PCSK2: variants seen among roughly 807,000 people sequenced by gnomAD.
PCSK2 encodes neuroendocrine convertase 2.
A neutral mutation model predicts 69.7 loss-of-function variants in PCSK2; 14 were observed. The ratio of observed to expected loss-of-function variants is 0.20; its 90% CI spans 0.13 to 0.31. The LOEUF is 0.31. PCSK2 is among the 10% of genes least tolerant of loss of function. PCSK2 has a pLI of 1.00. For synonymous variants in PCSK2, 307 were observed against 320.7 expected, an observed-to-expected ratio of 0.96 and a Z score of 0.46; for missense variants, 544 against 842.5, an observed-to-expected ratio of 0.65 and a Z score of 4.39.
chr20:17,473,973 C>A (rs369632563), intron 11 of PCSK2, among the ~76,000 whole-genome samples: 26 of 152,188 alleles, frequency 1.7e-4, no homozygotes, highest in East Asian at 7.7e-4. Context: ...CTAAAAAAGC[C>A]AGACTCCTCA....
chr20:17,276,066 C>T (rs1309524051), intron 2 of PCSK2, among the ~76,000 whole-genome samples: 2 of 152,112 alleles, frequency 1.3e-5, no homozygotes, highest in Non-Finnish European at 2.9e-5. Context: ...TGTTCTCTAG[C>T]ATTCGATTAC....
intron 2 of PCSK2, chr20:17,263,202 G>A (rs1987460049): frequency 1.2e-6 from 1 of 864,556 alleles, no homozygotes; most frequent in South Asian, 5.3e-5. Flanking sequence ...TTTCAATGAT[G>A]TTTGCCTCTC....
At chr20:17,456,293 G>T (rs148674298) in intron 9 of PCSK2, 55 bp from the exon 10 acceptor site, 2 of 895,100 alleles carry the variant, frequency 2.2e-6, no homozygotes, top group Non-Finnish European at 3.8e-6. Flanking sequence ...CACATTGTGC[G>T]GGGGTTCAAA....
At chr20:17,275,710 A>G (rs1988043323) in intron 2 of PCSK2, among the ~76,000 whole-genome samples, 1 of 152,166 alleles carries the variant, frequency 6.6e-6, no homozygotes, top group African/African-American at 2.4e-5. Context: ...AAGTATAAGG[A>G]AACGTGCAGT....
chr20:17,465,191 G>A (rs2033079202), intron 10 of PCSK2, 135 bp from the exon 11 acceptor site: 1 of 719,838 alleles, frequency 1.4e-6, no homozygotes, highest in African/African-American at 1.7e-5. Flanking sequence ...CCTTGAATTT[G>A]AGAGTTCACA....
chr20:17,356,961 T>A (rs118105629), intron 2 of PCSK2, among the ~76,000 whole-genome samples: 5,378 of 152,158 alleles, frequency 0.035, 131 homozygotes, highest in Middle Eastern at 0.099. Flanking sequence ...ACACAGAACC[T>A]GATGGATTGG....
intron 8 of PCSK2, among the ~76,000 whole-genome samples, chr20:17,444,221 T>C (rs984674674): frequency 2.0e-5 from 3 of 152,182 alleles, no homozygotes; most frequent in African/African-American, 7.2e-5. Context: ...TTTATCATCC[T>C]GTACATATGT....
At chr20:17,370,003 T>C (rs1600527399) in intron 5 of PCSK2, among the ~76,000 whole-genome samples, 1 of 152,340 alleles carries the variant, frequency 6.6e-6, no homozygotes, top group East Asian at 1.9e-4. Flanking sequence ...AAAGCCCTGC[T>C]GGGCTAGAAC....
intron 6 of PCSK2, among the ~76,000 whole-genome samples, chr20:17,419,710 T>G (rs1457422207): frequency 6.6e-6 from 1 of 152,242 alleles, no homozygotes; most frequent in East Asian, 1.9e-4. Flanking sequence ...AGCCCACGTT[T>G]TGTCAATAAT....
At chr20:17,373,465 A>G (rs1206393941) in intron 5 of PCSK2, among the ~76,000 whole-genome samples, 1 of 152,212 alleles carries the variant, frequency 6.6e-6, no homozygotes. Flanking sequence ...GTGGGTACAG[A>G]CAGCTGCAGC....
rs146685021 is a variant in PCSK2, at chr20:17,461,312, A to G, written c.1203-4014A>G. Among the ~76,000 whole-genome samples, 35 of 152,310 alleles carry G rather than the reference A, an allele frequency of 2.3e-4. No homozygotes were observed. The East Asian group carries it at 5.6e-3, about 24-fold the overall frequency. On this transcript the variant is annotated intron_variant, in intron 10 of 11. Coordinates refer to ENST00000262545, the MANE Select transcript of PCSK2 (RefSeq NM_002594.5). ...AATGCATTATTTTTCTCAGACTGGA[A>G]ATAATCCAACCTTTGAAATTATTTT...
intron 5 of PCSK2, among the ~76,000 whole-genome samples, chr20:17,379,304 A>T (rs1358456326): frequency 1.3e-5 from 2 of 152,270 alleles, no homozygotes; most frequent in African/African-American, 4.8e-5. Flanking sequence ...TGTGTCCACT[A>T]GAGCCACACC....
At position 17,453,496 on chromosome 20, in the gene PCSK2, T is replaced by C. The variant is rs891251796; in HGVS notation, c.886-246T>C. Among the ~76,000 whole-genome samples, 1 of 152,254 alleles carries C rather than the reference T, an allele frequency of 6.6e-6. No individual in the cohort carries two copies. The highest frequency in any genetic ancestry group is 1.5e-5 in the Non-Finnish European group (1 of 68,038). On this transcript the variant is annotated intron_variant, in intron 8 of 11. Coordinates refer to ENST00000262545, the MANE Select transcript of PCSK2 (RefSeq NM_002594.5). This position sits in a 1 kb window ranked among gnomAD's most constrained non-coding sequence, Gnocchi z 4.0. ...AATTTTAAGACAGTTCTTCCAATTT[T>C]CTTACCTCATTATCCCCAGCTTAAA...
chr20:17,310,353 A>C (rs1043586925), intron 2 of PCSK2, among the ~76,000 whole-genome samples: 8 of 152,162 alleles, frequency 5.3e-5, no homozygotes, highest in Non-Finnish European at 8.8e-5. Flanking sequence ...AGGTTAAAAA[A>C]CATTGATGAT....
At chr20:17,315,388 G>A (rs1403163854) in intron 2 of PCSK2, among the ~76,000 whole-genome samples, 2 of 152,188 alleles carry the variant, frequency 1.3e-5, no homozygotes, top group African/African-American at 4.8e-5. Flanking sequence ...GGTGACCCGT[G>A]AGCTTGGTTG....
intron 2 of PCSK2, among the ~76,000 whole-genome samples, chr20:17,295,781 C>T (rs1209100393): frequency 6.6e-6 from 1 of 152,052 alleles, no homozygotes; most frequent in Non-Finnish European, 1.5e-5. Flanking sequence ...TTCTGGAACT[C>T]TTGGCCTCAA....
At chr20:17,288,709 G>A (rs900510473) in intron 2 of PCSK2, among the ~76,000 whole-genome samples, 1 of 152,192 alleles carries the variant, frequency 6.6e-6, no homozygotes, top group African/African-American at 2.4e-5. Context: ...ACAAGAAGAC[G>A]TAGGAGAGGA....
intron 2 of PCSK2, among the ~76,000 whole-genome samples, chr20:17,299,400 CA>C (rs1989004390): frequency 6.6e-6 from 1 of 151,992 alleles, no homozygotes; most frequent in Admixed American, 6.6e-5. Flanking sequence ...AATTTTATTT[CA>C]ATTATTTTGG....
rs890673094 is a variant in PCSK2 at position 17,436,863 on chromosome 20, A to T, written c.865A>T (p.Met289Leu). Residue 289 changes from methionine to leucine, a missense_variant, in exon 8 of 12, where the codon ATG (methionine) becomes TTG (leucine). By Grantham distance (15) the Met-to-Leu change is conservative. Around this residue, in one of 3 missense-constraint regions of PCSK2, gnomAD observed 187 missense variants for 399.8 expected, o/e 0.47. Transcript: ENST00000262545. ...DGPRELTLQA[M>L]ADGVNKGRGG... Reference sequence around the variant, plus strand: ...GCCCCGGGAGCTCACGCTGCAGGCCATGGCCGATGGCGTGAACAAGGTAAG... The same window carrying T: ...GCCCCGGGAGCTCACGCTGCAGGCCTTGGCCGATGGCGTGAACAAGGTAAG... The T allele has an allele frequency of 2.5e-6, 4 of 1,611,744 alleles. No individual in the cohort carries two copies. The African/African-American group carries it at 5.3e-5, about 22-fold the overall frequency.
Sources: allele counts gnomAD v4.1 joint callset (sites outside exome capture counted in the v4.1 genomes callset), GRCh38; gene constraint gnomAD v4.1.1; regional missense constraint gnomAD v4.1.1; non-coding constraint Gnocchi (gnomAD v3.1); transcripts MANE v1.5; gene names NCBI Gene and HGNC (gene_info 2026-07-23, HGNC 2026-07-21).